MLIP: variants seen among roughly 807,000 people sequenced by gnomAD.
MLIP encodes the protein muscular LMNA interacting protein.
In MLIP, 79 loss-of-function variants were observed where a neutral mutation model predicts 84.8. The observed-to-expected ratio is 0.93, with a 90% CI of 0.78 to 1.12. The LOEUF (loss-of-function observed/expected upper bound fraction) is 1.12. MLIP is among the 50% of genes most tolerant of loss of function. MLIP has a pLI of 0.00. For missense variants in MLIP, 1,257 were observed against 1,160.6 expected (o/e 1.08, Z -1.21); for synonymous variants, 504 against 463.0 (o/e 1.09, Z -1.14).
intron 12 of MLIP, among the ~76,000 whole-genome samples, chr6:54,248,861 C>A (rs536756214): frequency 6.6e-6 from 1 of 151,844 alleles, no homozygotes. Flanking sequence ...GGTGGGCTTA[C>A]GAAACAATTA....
chr6:54,225,229 A>G (rs1780496690), intron 11 of MLIP, among the ~76,000 whole-genome samples: 1 of 152,066 alleles, frequency 6.6e-6, no homozygotes, highest in African/African-American at 2.4e-5. Flanking sequence ...CATATATTTT[A>G]CCTTACACAA....
In MLIP at chr6:54,124,792, A is replaced by T; in HGVS notation, c.572A>T (p.Gln191Leu). ...TCTGATGTAGTGCGTCCCAAAACAC[A>T]GGGGACTGATCTCAAGACCTCATCA... ...LVSDVVRPKT[Q>L]GTDLKTSSHP... The change falls in exon 3 of 14, where the codon CAG (glutamine) becomes CTG (leucine). Residue 191 changes from glutamine to leucine, a missense_variant. Physicochemically the swap from Gln to Leu is moderately radical, Grantham distance 113. Coordinates refer to ENST00000502396, the MANE Select transcript of MLIP (RefSeq NM_001281747.2). 6.2e-7 allele frequency: 1 copy of T among 1,614,086 alleles called. No individual in the cohort carries two copies. The highest frequency in any genetic ancestry group is 2.2e-5 in the East Asian group (1 of 44,874).
chr6:54,038,278 T>C (rs951337486), intron 1 of MLIP, among the ~76,000 whole-genome samples: 2 of 151,930 alleles, frequency 1.3e-5, no homozygotes, highest in Non-Finnish European at 2.9e-5. Context: ...GAAAAGAGAT[T>C]TTTAAGACTG....
intron 11 of MLIP, among the ~76,000 whole-genome samples, 199 bp downstream of exon 11, chr6:54,202,432 T>C (rs1179528139): frequency 6.6e-6 from 1 of 151,100 alleles, no homozygotes; most frequent in Non-Finnish European, 1.5e-5. Flanking sequence ...AGTTGCTAAA[T>C]AATTCAAGAA....
In MLIP at chr6:54,139,722, G is replaced by T. The variant is rs190665007; in HGVS notation, c.2217+1436G>T. On this transcript the variant is annotated intron_variant, in intron 4 of 13. Transcript: ENST00000502396. The stretch of plus-strand genomic sequence containing the variant: ...TTCAGTGAATAATTGTCCAGGTAAT[G>T]GGTCTGTTTCGGAGCTGACATTTAT... 6.2e-3 allele frequency among the ~76,000 whole-genome samples: 936 copies of T among 152,174 alleles called. 11 individuals are homozygous for T. The highest frequency in any genetic ancestry group is 0.022 in the African/African-American group (898 of 41,538).
At chr6:54,080,075 T>C (rs1472099192) in intron 1 of MLIP, among the ~76,000 whole-genome samples, 3 of 152,172 alleles carry the variant, frequency 2.0e-5, no homozygotes, top group Non-Finnish European at 2.9e-5. Flanking sequence ...ACCTGAGCTC[T>C]GGCCACTTTC....
intron 12 of MLIP, among the ~76,000 whole-genome samples, chr6:54,252,306 T>C (rs1309751064): frequency 1.7e-5 from 2 of 118,164 alleles, no homozygotes; most frequent in Admixed American, 2.0e-4. Flanking sequence ...ATATAATATA[T>C]AATATAACTA....
intron 1 of MLIP, among the ~76,000 whole-genome samples, chr6:54,057,497 AG>A (rs912918200): frequency 6.6e-6 from 1 of 152,186 alleles, no homozygotes; most frequent in African/African-American, 2.4e-5. Context: ...ATTTGCATTC[AG>A]GGGGAATAGT....
At chr6:54,205,581 G>C (rs990881328) in intron 11 of MLIP, among the ~76,000 whole-genome samples, 1 of 152,138 alleles carries the variant, frequency 6.6e-6, no homozygotes, top group Admixed American at 6.5e-5. Context: ...TGTATTTACT[G>C]TAGTTCAAAA....
chr6:54,118,781 G>C (rs1770176146), intron 1 of MLIP, among the ~76,000 whole-genome samples: 2 of 152,020 alleles, frequency 1.3e-5, no homozygotes, highest in African/African-American at 4.8e-5. Flanking sequence ...TAAAGGGTTA[G>C]TAACCAAAAA....
intron 1 of MLIP, among the ~76,000 whole-genome samples, chr6:54,049,641 G>A (rs1765264579): frequency 6.6e-6 from 1 of 152,124 alleles, no homozygotes; most frequent in Non-Finnish European, 1.5e-5. Flanking sequence ...TACCCTACAA[G>A]ATGGGCTCTG....
intron 1 of MLIP, among the ~76,000 whole-genome samples, chr6:54,095,523 C>A (rs1768149790): frequency 6.6e-6 from 1 of 152,094 alleles, no homozygotes; most frequent in African/African-American, 2.4e-5. Flanking sequence ...GTTTTCCTTT[C>A]CCTTCCAATC....
intron 9 of MLIP, 109 bp downstream of exon 9, chr6:54,169,681 A>C (rs928693566): frequency 3.3e-6 from 2 of 606,294 alleles, no homozygotes; most frequent in Non-Finnish European, 2.6e-6. Context: ...GTTTTTTTAT[A>C]AGTTGAAGGG....
chr6:54,058,655 A>T (rs760302661), intron 1 of MLIP, among the ~76,000 whole-genome samples: 1 of 152,204 alleles, frequency 6.6e-6, no homozygotes, highest in Non-Finnish European at 1.5e-5. Flanking sequence ...AGAAAGTAAC[A>T]TTTCATATAA....
At chr6:54,034,000 T>C (rs1482358359) in intron 1 of MLIP, among the ~76,000 whole-genome samples, 1 of 152,208 alleles carries the variant, frequency 6.6e-6, no homozygotes, top group Non-Finnish European at 1.5e-5. Flanking sequence ...GAGGGAAATA[T>C]ATTTGGATTA....
intron 1 of MLIP, among the ~76,000 whole-genome samples, chr6:54,050,340 G>A (rs923100095): frequency 6.6e-6 from 1 of 152,012 alleles, no homozygotes; most frequent in Non-Finnish European, 1.5e-5. Context: ...TAATGCCTTA[G>A]TATATTATCT....
chr6:54,080,522 A>G (rs1245688532), intron 1 of MLIP, among the ~76,000 whole-genome samples: 2 of 152,022 alleles, frequency 1.3e-5, no homozygotes, highest in Non-Finnish European at 2.9e-5. Flanking sequence ...TCAATGGACT[A>G]AGCTTCAAAA....
At chr6:54,227,744 C>A (rs1437657124) in intron 11 of MLIP, among the ~76,000 whole-genome samples, 2 of 152,112 alleles carry the variant, frequency 1.3e-5, no homozygotes, top group East Asian at 1.9e-4. Flanking sequence ...TTCAAACAAT[C>A]AAACGTAAGA....
intron 1 of MLIP, among the ~76,000 whole-genome samples, chr6:54,037,637 T>C (rs1582005475): frequency 6.6e-6 from 1 of 151,894 alleles, no homozygotes. Flanking sequence ...TGGGAGGTGT[T>C]TGTAAATTTG....
Sources: allele counts gnomAD v4.1 joint callset (sites outside exome capture counted in the v4.1 genomes callset), GRCh38; gene constraint gnomAD v4.1.1; transcripts MANE v1.5; gene names NCBI Gene and HGNC (gene_info 2026-07-23, HGNC 2026-07-21).